Variants in JADE2 observed in about 807,000 individuals in gnomAD.
JADE2 encodes the protein jade family PHD finger 2.
JADE2 carries 13 observed loss-of-function variants against 85.7 expected under a neutral mutation model. That is an observed-to-expected ratio of 0.15 (90% CI 0.10 to 0.24). The LOEUF (loss-of-function observed/expected upper bound fraction) is 0.24, where lower values mean the gene tolerates loss of function less well. Ranked by LOEUF, JADE2 falls within the 10% of genes least tolerant of loss-of-function variation. The probability of loss-of-function intolerance (pLI) is 1.00; values close to 1 mark genes in which losing one functional copy is unlikely to be tolerated. For synonymous variants in JADE2, 440 were observed against 456.1 expected (o/e 0.96, Z 0.45); for missense variants, 846 against 1,115.9 (o/e 0.76, Z 3.45).
intron 7 of JADE2, chr5:134,564,273 C>T (rs1379493223): frequency 4.5e-6 from 2 of 448,352 alleles, no homozygotes; most frequent in Non-Finnish European, 8.1e-6. Flanking sequence ...CAGATGAGCA[C>T]ACACTAACAC....
chr5:134,572,289 C>T (rs994205948), intron 9 of JADE2, among the ~76,000 whole-genome samples: 6 of 152,198 alleles, frequency 3.9e-5, no homozygotes, highest in African/African-American at 1.4e-4. Flanking sequence ...GAGCTGAGGG[C>T]GCACACACCA....
intron 3 of JADE2, among the ~76,000 whole-genome samples, chr5:134,549,146 G>A (rs923755406): frequency 6.6e-6 from 1 of 152,208 alleles, no homozygotes; most frequent in African/African-American, 2.4e-5. Context: ...TGAGGCAGGG[G>A]TGAGATGGAA....
intron 3 of JADE2, among the ~76,000 whole-genome samples, chr5:134,541,619 T>A (rs1191550493): frequency 6.6e-6 from 1 of 152,166 alleles, no homozygotes; most frequent in East Asian, 1.9e-4. Flanking sequence ...CGGAGTGATG[T>A]GTGTGCTGTG....
Position 134,578,716 on chromosome 5 carries a change from C to T in JADE2, c.1904C>T (p.Ala635Val), listed in dbSNP as rs772113658. The change falls in exon 12 of 12, where the codon GCT (alanine) becomes GTT (valine). Residue 635 changes from alanine (A) to valine (V), a missense_variant. This residue lies in a region of JADE2 where 300 missense variants were observed against 300.7 expected (regional missense o/e 1.00). Transcript: ENST00000681547. This position sits in a 1 kb window ranked among gnomAD's most constrained non-coding sequence, Gnocchi z 4.4. Reference protein sequence around the residue: ...RDPSLRPGDPARKARGRTRLP... With the variant: ...RDPSLRPGDPVRKARGRTRLP... ...CCCTCGCTGCGACCTGGTGACCCTG[C>T]TAGGAAGGCCCGAGGCCGCACCCGC... 7.4e-6 allele frequency: 12 copies of T among 1,613,238 alleles called. No individual in the cohort carries two copies. The highest frequency in any genetic ancestry group is 1.6e-4 in the Middle Eastern group (1 of 6,084).
chr5:134,539,558 T>C (rs1761841705), intron 3 of JADE2, among the ~76,000 whole-genome samples: 1 of 152,252 alleles, frequency 6.6e-6, no homozygotes, highest in South Asian at 2.1e-4. Flanking sequence ...GCACTGGGGC[T>C]GGACACTCCT....
chr5:134,534,856 C>G (rs141522136), intron 1 of JADE2, among the ~76,000 whole-genome samples: 1 of 152,346 alleles, frequency 6.6e-6, no homozygotes, highest in Non-Finnish European at 1.5e-5. Flanking sequence ...TAACGCATCA[C>G]CTGCTGTGCT....
At chr5:134,545,476 G>A (rs2149909945) in intron 3 of JADE2, among the ~76,000 whole-genome samples, 1 of 152,068 alleles carries the variant, frequency 6.6e-6, no homozygotes, top group South Asian at 2.1e-4. Context: ...CTGGGCAGGG[G>A]GTAGCTATTC....
intron 10 of JADE2, 186 bp downstream of exon 10, chr5:134,573,948 G>C (rs1368850660): frequency 4.4e-6 from 3 of 678,064 alleles, no homozygotes; most frequent in Non-Finnish European, 8.0e-6. Context: ...AGGGTCCTGA[G>C]TTGTGCGTCA....
chr5:134,534,657 G>A (rs944543890), intron 1 of JADE2, among the ~76,000 whole-genome samples: 4 of 152,192 alleles, frequency 2.6e-5, no homozygotes, highest in African/African-American at 9.7e-5. Flanking sequence ...TGGGGTTGGG[G>A]GCAGCTGGAG....
intron 10 of JADE2, among the ~76,000 whole-genome samples, chr5:134,576,069 T>C (rs575852879): frequency 3.9e-5 from 6 of 152,216 alleles, no homozygotes; most frequent in Admixed American, 1.3e-4. Context: ...TGTGGTGGCA[T>C]GCACCTGTGG....
Position 134,570,650 on chromosome 5 carries a change from G to A in JADE2, c.1435-2995G>A, listed in dbSNP as rs903972887. Reference sequence around the variant, plus strand: ...TCCATCCCCCGATCCTCTCAGCAGCGGCTGCCACAATCAGACCTGCCCTTA... The same window carrying A: ...TCCATCCCCCGATCCTCTCAGCAGCAGCTGCCACAATCAGACCTGCCCTTA... On this transcript the variant is annotated intron_variant, in intron 9 of 11. Coordinates refer to ENST00000681547, the MANE Select transcript of JADE2 (RefSeq NM_001388185.1). Among the ~76,000 whole-genome samples the A allele has an allele frequency of 5.3e-5, 8 of 152,180 alleles. No homozygotes were observed. In the East Asian group the frequency reaches 7.7e-4, roughly 15 times the overall value.
In JADE2 at chr5:134,556,952, C is replaced by CACA. The variant is rs1561746606; in HGVS notation, c.312-2878_312-2877insACA. Among the ~76,000 whole-genome samples the CACA allele has an allele frequency of 1.2e-3, 152 of 130,380 alleles. 1 individual carries two copies. The highest frequency in any genetic ancestry group is 3.9e-3 in the Middle Eastern group (1 of 256). 85.5% of individuals were successfully genotyped at this position (130,380 alleles called of 152,430 possible). A position where few individuals can be genotyped will look rare whatever the true frequency, so the allele number is the denominator to read the frequency against. ...ACAGCACACAACACATACACACACA[C>CACA]CACACACACACCTCACACATCACAC... On this transcript the variant is annotated intron_variant, in intron 4 of 11. Transcript: ENST00000681547.
chr5:134,553,589 T>C (rs1044724423), intron 4 of JADE2, among the ~76,000 whole-genome samples: 2 of 152,146 alleles, frequency 1.3e-5, no homozygotes, highest in South Asian at 2.1e-4. Flanking sequence ...CCTGACCTCA[T>C]GATCCGCCCT....
In JADE2 at chr5:134,576,799, G is replaced by C. The variant is rs1764394440; in HGVS notation, c.1584G>C (p.Lys528Asn). Reference sequence around the variant, plus strand: ...CTGGGAGGAGAGCAAAGGGCAAGAAGAGTGACTCGAAGAGGAAGGGCTGCG... The same window carrying C: ...CTGGGAGGAGAGCAAAGGGCAAGAACAGTGACTCGAAGAGGAAGGGCTGCG... ...ERSGRRAKGK[K>N]SDSKRKGCEG... The change falls in exon 11 of 12, where the codon AAG becomes AAC. Residue 528 changes from lysine (K) to asparagine (N), a missense_variant. Lys to Asn is a moderately conservative substitution (Grantham distance 94, BLOSUM62 0). Transcript: ENST00000681547. 2 of 1,550,666 alleles carry C rather than the reference G, an allele frequency of 1.3e-6. No homozygotes were observed. Among genetic ancestry groups the C allele is most frequent in the Non-Finnish European group, 8.7e-7 (1 of 1,146,986 alleles).
Position 134,566,049 on chromosome 5 carries a change from C to T in JADE2, c.970-67C>T. The T allele has an allele frequency of 7.4e-7, 1 of 1,345,142 alleles. No homozygotes were observed. Among genetic ancestry groups the T allele is most frequent in the Non-Finnish European group, 1.0e-6 (1 of 957,992 alleles). 83.3% of individuals were successfully genotyped at this position (1,345,142 alleles called of 1,614,324 possible). Reference sequence around the variant, plus strand: ...ATTCTCAGTAGAGCCCTGGGGGAAGCCCCTCTGTCTTCTCCCCTCCCACCA... The same window carrying T: ...ATTCTCAGTAGAGCCCTGGGGGAAGTCCCTCTGTCTTCTCCCCTCCCACCA... On this transcript the variant is annotated intron_variant, in intron 8 of 11. Transcript: ENST00000681547. The surrounding 1 kb of genome is among the most constrained non-coding windows in gnomAD (Gnocchi z 6.7).
In JADE2 at chr5:134,533,736, CTTTTTTTTTTTTTTTT is replaced by C. The variant is rs70976536; in HGVS notation, c.1-2109_1-2094del. The C allele has an allele frequency of 4.4e-5, 5 of 112,854 alleles. No individual in the cohort carries two copies. The South Asian group carries it at 1.0e-3, about 23-fold the overall frequency. 7.0% of individuals were successfully genotyped at this position (112,854 alleles called of 1,614,324 possible). A position where few individuals can be genotyped will look rare whatever the true frequency, so the allele number is the denominator to read the frequency against. ...TCAGTCAGCCTTTGTCACACTCTCT[CTTTTTTTTTTTTTTTT>C]TTTTTTTTTTTTGAGATAAGGTCTT... On this transcript the variant is annotated intron_variant, in intron 1 of 11. Coordinates refer to ENST00000681547, the MANE Select transcript of JADE2 (RefSeq NM_001388185.1).
chr5:134,575,482 TGACGG>T (rs775174184), intron 10 of JADE2: 5 of 152,376 alleles, frequency 3.3e-5, no homozygotes, highest in Non-Finnish European at 7.3e-5. Context: ...AAAGTGGGGA[TGACGG>T]GTAACCTGGG....
rs549914067 is a variant in JADE2, at chr5:134,554,901, T to G, written c.311+2692T>G. On this transcript the variant is annotated intron_variant, in intron 4 of 11. Coordinates refer to ENST00000681547, the MANE Select transcript of JADE2 (RefSeq NM_001388185.1). ...GCTGAGCCTGTGTTCATCTTTTCAT[T>G]TAACAATCATATTAGCTTTACAAAC... Among the ~76,000 whole-genome samples the G allele has an allele frequency of 3.9e-5, 6 of 152,322 alleles. No individual in the cohort carries two copies. The South Asian group carries it at 8.3e-4, about 21-fold the overall frequency.
At chr5:134,526,472 C>G (rs1477547753) in intron 1 of JADE2, 8 of 985,268 alleles carry the variant, frequency 8.1e-6, no homozygotes, top group Non-Finnish European at 8.4e-6. Flanking sequence ...CTCCGAGAAC[C>G]TGGAGCTATC....
Sources: allele counts gnomAD v4.1 joint callset (sites outside exome capture counted in the v4.1 genomes callset), GRCh38; gene constraint gnomAD v4.1.1; regional missense constraint gnomAD v4.1.1; non-coding constraint Gnocchi (gnomAD v3.1); transcripts MANE v1.5; gene names NCBI Gene and HGNC (gene_info 2026-07-23, HGNC 2026-07-21).